Variants in ALPK1 observed in about 807,000 individuals in gnomAD.
ALPK1 encodes the protein alpha kinase 1.
Under a neutral mutation model 120.6 loss-of-function variants are expected in ALPK1, and 110 were observed. That is an observed-to-expected ratio of 0.91 (90% CI 0.78 to 1.07). The LOEUF is 1.07. ALPK1 is among the 50% of genes least tolerant of loss of function. The pLI, the probability that ALPK1 is intolerant of heterozygous loss-of-function variation, is 0.00. For synonymous variants in ALPK1, 582 were observed against 560.3 expected (o/e 1.04, Z -0.55); for missense variants, 1,498 against 1,483.9 (o/e 1.01, Z -0.16).
intron 3 of ALPK1, 135 bp from the exon 4 acceptor site, chr4:112,382,263 G>A: frequency 9.3e-7 from 1 of 1,077,586 alleles, no homozygotes; most frequent in Non-Finnish European, 1.3e-6. Flanking sequence ...AGACCAGCCA[G>A]CAAGAGGCAG....
Position 112,435,211 on chromosome 4 carries a change from A to G in ALPK1, c.3098A>G (p.Tyr1033Cys), listed in dbSNP as rs1235381079. 3 of 1,613,558 alleles carry G rather than the reference A, an allele frequency of 1.9e-6. No individual in the cohort carries two copies. Among genetic ancestry groups the G allele is most frequent in the Admixed American group, 1.7e-5 (1 of 59,930 alleles). ...ELWTAQETIVYLGDYLTVKKK... is the reference protein window; with the variant it reads ...ELWTAQETIVCLGDYLTVKKK... ...TGGACGGCCCAGGAAACTATTGTCT[A>G]TTTGGGGGACTACTTGACTGTGAAG... The change falls in exon 12 of 16, where the codon TAT (tyrosine) becomes TGT (cysteine). Residue 1033 changes from tyrosine to cysteine, a missense_variant. By Grantham distance (194) the Tyr-to-Cys change is radical. Coordinates refer to ENST00000650871, the MANE Select transcript of ALPK1 (RefSeq NM_025144.4).
intron 2 of ALPK1, among the ~76,000 whole-genome samples, chr4:112,347,213 A>G (rs1185072672): frequency 2.0e-5 from 3 of 152,240 alleles, no homozygotes; most frequent in African/African-American, 7.2e-5. Flanking sequence ...TCTGCTTGTC[A>G]GTATGATGAT....
chr4:112,337,878 C>T (rs1302117741), intron 2 of ALPK1, among the ~76,000 whole-genome samples: 1 of 152,072 alleles, frequency 6.6e-6, no homozygotes, highest in East Asian at 1.9e-4. Flanking sequence ...CAGAGATGTT[C>T]AGTAATAAGT....
intron 4 of ALPK1, among the ~76,000 whole-genome samples, chr4:112,385,595 C>A (rs1732119370): frequency 6.6e-6 from 1 of 152,216 alleles, no homozygotes; most frequent in Admixed American, 6.5e-5. Context: ...AATTGCTAAA[C>A]CACTCTGTTT....
At chr4:112,429,342 C>CAG in intron 10 of ALPK1, 89 bp downstream of exon 10, 1 of 1,014,862 alleles carries the variant, frequency 9.9e-7, no homozygotes, top group Non-Finnish European at 1.5e-6. Flanking sequence ...AAGGTTTAAC[C>CAG]TTCAAACAGG....
chr4:112,398,486 A>G (rs1732765736), intron 4 of ALPK1, among the ~76,000 whole-genome samples: 2 of 152,246 alleles, frequency 1.3e-5, no homozygotes, highest in South Asian at 4.1e-4. Flanking sequence ...TTTTGTAAAG[A>G]CAGGGTCTCC....
chr4:112,370,872 GT>G (rs1382523372), intron 2 of ALPK1, among the ~76,000 whole-genome samples: 1 of 152,142 alleles, frequency 6.6e-6, no homozygotes, highest in Non-Finnish European at 1.5e-5. Context: ...TAGAAATGTT[GT>G]CTTGGCTAAA....
intron 2 of ALPK1, chr4:112,359,186 A>AC (rs1428316012): frequency 2.0e-5 from 12 of 612,718 alleles, no homozygotes; most frequent in Middle Eastern, 8.3e-4. Flanking sequence ...CCCCCAGGCC[A>AC]CCCCCCACAG....
At chr4:112,365,173 C>T (rs917444834) in intron 2 of ALPK1, among the ~76,000 whole-genome samples, 3 of 152,088 alleles carry the variant, frequency 2.0e-5, no homozygotes, top group Non-Finnish European at 2.9e-5. Flanking sequence ...TTCACCAGTT[C>T]TATTCAACAT....
intron 4 of ALPK1, among the ~76,000 whole-genome samples, chr4:112,400,570 T>C (rs1578537993): frequency 6.6e-6 from 1 of 152,204 alleles, no homozygotes; most frequent in South Asian, 2.1e-4. Flanking sequence ...TGTGTTTTTT[T>C]CCAGCCATTT....
At chr4:112,418,966 G>T (rs1733869486) in intron 5 of ALPK1, among the ~76,000 whole-genome samples, 1 of 152,122 alleles carries the variant, frequency 6.6e-6, no homozygotes, top group African/African-American at 2.4e-5. Context: ...GGCTAGAAAT[G>T]AATAAACAAA....
At chr4:112,434,097 A>G (rs1036668902) in intron 11 of ALPK1, among the ~76,000 whole-genome samples, 2 of 152,250 alleles carry the variant, frequency 1.3e-5, no homozygotes, top group African/African-American at 4.8e-5. Flanking sequence ...AGATTCTGCA[A>G]TTTTGGAATC....
At chr4:112,324,316 G>A (rs1167015380) in intron 2 of ALPK1, among the ~76,000 whole-genome samples, 1 of 135,314 alleles carries the variant, frequency 7.4e-6, no homozygotes, top group Non-Finnish European at 1.5e-5. Flanking sequence ...GACAGAGCAA[G>A]ACTCCATCTC....
chr4:112,373,387 A>G (rs933676158), intron 2 of ALPK1, among the ~76,000 whole-genome samples: 3 of 152,252 alleles, frequency 2.0e-5, no homozygotes, highest in Non-Finnish European at 2.9e-5. Context: ...TAGGCAGGCT[A>G]ATAGCCAGCT....
At chr4:112,404,516 CA>C (rs1263478025) in intron 4 of ALPK1, among the ~76,000 whole-genome samples, 10 of 152,202 alleles carry the variant, frequency 6.6e-5, no homozygotes, top group Admixed American at 6.5e-4. Context: ...AGCTAGGAAA[CA>C]AACTGAGATA....
chr4:112,342,658 G>A (rs1170231151), intron 2 of ALPK1, among the ~76,000 whole-genome samples: 2 of 152,286 alleles, frequency 1.3e-5, no homozygotes, highest in Middle Eastern at 3.4e-3. Context: ...TAGTTTAGAG[G>A]TCTAGGACTC....
intron 2 of ALPK1, among the ~76,000 whole-genome samples, chr4:112,321,317 T>C (rs1728860195): frequency 6.6e-6 from 1 of 152,232 alleles, no homozygotes; most frequent in Admixed American, 6.5e-5. Context: ...ATTTCATTTA[T>C]CTTTTGTCTT....
chr4:112,357,668 C>T, intron 2 of ALPK1: 4 of 1,604,284 alleles, frequency 2.5e-6, no homozygotes, highest in Non-Finnish European at 3.4e-6. Context: ...GGGATCATCC[C>T]CAGAGGCCCC....
chr4:112,371,553 C>T (rs1264396074), intron 2 of ALPK1, among the ~76,000 whole-genome samples: 1 of 152,220 alleles, frequency 6.6e-6, no homozygotes, highest in African/African-American at 2.4e-5. Flanking sequence ...TTAATTCAGG[C>T]ATCACATTCT....
Sources: gnomAD v4.1 joint callset for allele counts (sites outside exome capture counted in the v4.1 genomes callset) on GRCh38, gnomAD v4.1.1 for gene constraint, MANE v1.5 for transcripts, NCBI Gene and HGNC (gene_info 2026-07-23, HGNC 2026-07-21) for gene names.